Variants in FOXN3 observed in about 807,000 individuals in gnomAD.
FOXN3 encodes forkhead box N3, also known as forkhead box protein N3.
FOXN3 carries 7 observed loss-of-function variants against 38.4 expected under a neutral mutation model. That is an observed-to-expected ratio of 0.18 (90% CI 0.10 to 0.34). The LOEUF (loss-of-function observed/expected upper bound fraction) is 0.34, where lower values mean the gene tolerates loss of function less well. FOXN3 is among the 10% of genes least tolerant of loss of function. FOXN3 has a pLI of 1.00. For missense variants in FOXN3, 456 were observed against 613.4 expected, an observed-to-expected ratio of 0.74 and a Z score of 2.71; for synonymous variants, 230 against 242.2, an observed-to-expected ratio of 0.95 and a Z score of 0.47.
At chr14:89,407,399 T>A (rs1377026068) in intron 2 of FOXN3, among the ~76,000 whole-genome samples, 1 of 152,216 alleles carries the variant, frequency 6.6e-6, no homozygotes, top group Non-Finnish European at 1.5e-5. Context: ...GATATCTGAA[T>A]ATGGACCTGG....
chr14:89,327,757 C>A (rs1353346956), intron 3 of FOXN3, among the ~76,000 whole-genome samples: 1 of 152,172 alleles, frequency 6.6e-6, no homozygotes. Context: ...TAAAAACTTA[C>A]AATAAATCCT....
At chr14:89,572,857 C>T (rs1356647035) in intron 1 of FOXN3, among the ~76,000 whole-genome samples, 2 of 152,206 alleles carry the variant, frequency 1.3e-5, no homozygotes, top group Admixed American at 1.3e-4. Flanking sequence ...CCTCGGGGCC[C>T]CAGCTTGGCC....
At chr14:89,171,564 TA>T (rs1348364329) in intron 5 of FOXN3, among the ~76,000 whole-genome samples, 1 of 152,148 alleles carries the variant, frequency 6.6e-6, no homozygotes, top group Non-Finnish European at 1.5e-5. Flanking sequence ...CATAAGCAAG[TA>T]TATTCAGAAA....
At chr14:89,592,912 G>A (rs184281392) in intron 1 of FOXN3, among the ~76,000 whole-genome samples, 121 of 152,180 alleles carry the variant, frequency 8.0e-4, no homozygotes, top group Admixed American at 1.9e-3. Flanking sequence ...AGTGGAAGGC[G>A]TGCATTATTT....
In FOXN3 at chr14:89,403,383, A is replaced by C. The variant is rs1161903490; in HGVS notation, c.543+8551T>G. Among the ~76,000 whole-genome samples, 3 of 152,288 alleles carry C rather than the reference A, an allele frequency of 2.0e-5. No individual in the cohort carries two copies. The East Asian group carries it at 5.8e-4, about 29-fold the overall frequency. On this transcript the variant is annotated intron_variant, in intron 2 of 5. Coordinates refer to ENST00000557258, the MANE Select transcript of FOXN3 (RefSeq NM_005197.4). ...CAATTAATCTCTGTATTTTTTGTAG[A>C]GACAGGGTTTCACCATGTTGCCTAG...
chr14:89,334,976 A>T (rs1371314251), intron 3 of FOXN3, among the ~76,000 whole-genome samples: 1 of 151,958 alleles, frequency 6.6e-6, no homozygotes, highest in Non-Finnish European at 1.5e-5. Flanking sequence ...CATCTTGGCC[A>T]GGCTGGTCTT....
chr14:89,340,832 T>C (rs1412174439), intron 3 of FOXN3, among the ~76,000 whole-genome samples: 1 of 152,022 alleles, frequency 6.6e-6, no homozygotes, highest in Non-Finnish European at 1.5e-5. Context: ...AGGGAGGTAA[T>C]TGTAGGGCAT....
At chr14:89,319,827 T>A (rs1311609600) in intron 3 of FOXN3, among the ~76,000 whole-genome samples, 1 of 152,230 alleles carries the variant, frequency 6.6e-6, no homozygotes, top group Non-Finnish European at 1.5e-5. Flanking sequence ...TTCAGATGAT[T>A]AAACTTGAGT....
chr14:89,246,382 A>T (rs1400232931), intron 4 of FOXN3, among the ~76,000 whole-genome samples: 3 of 151,996 alleles, frequency 2.0e-5, no homozygotes, highest in Non-Finnish European at 4.4e-5. Flanking sequence ...AATGCAGCCT[A>T]GGGTAGAGAC....
At chr14:89,477,051 T>A (rs936883532) in intron 1 of FOXN3, among the ~76,000 whole-genome samples, 5 of 152,118 alleles carry the variant, frequency 3.3e-5, no homozygotes, top group Non-Finnish European at 7.3e-5. Context: ...ATGGCCAACT[T>A]TTTGTTTTGC....
intron 1 of FOXN3, among the ~76,000 whole-genome samples, chr14:89,545,489 G>C (rs1894866233): frequency 6.6e-6 from 1 of 152,196 alleles, no homozygotes; most frequent in Non-Finnish European, 1.5e-5. Flanking sequence ...TCCAGCCATA[G>C]CATGTCCCAT....
intron 1 of FOXN3, among the ~76,000 whole-genome samples, chr14:89,499,481 GC>G (rs1256932655): frequency 7.5e-6 from 1 of 132,710 alleles, no homozygotes; most frequent in African/African-American, 3.0e-5. Flanking sequence ...TTTTTTTTTT[GC>G]CGTGTCTTTG....
At chr14:89,398,851 G>GGT (rs1891168979) in intron 2 of FOXN3, among the ~76,000 whole-genome samples, 1 of 152,132 alleles carries the variant, frequency 6.6e-6, no homozygotes, top group Non-Finnish European at 1.5e-5. Flanking sequence ...CACGCATGGT[G>GGT]GCACATGCCT....
intron 3 of FOXN3, among the ~76,000 whole-genome samples, chr14:89,308,408 G>A (rs899375295): frequency 3.0e-4 from 45 of 152,252 alleles, no homozygotes; most frequent in African/African-American, 1.1e-3. Context: ...GCACCGTTCT[G>A]TGCAGATGCA....
chr14:89,392,637 C>CTTTTT (rs71130072), intron 2 of FOXN3, among the ~76,000 whole-genome samples: 3 of 119,300 alleles, frequency 2.5e-5, no homozygotes, highest in African/African-American at 7.7e-5. Context: ...TGTGTCTCGT[C>CTTTTT]TTTTTTTTTT....
chr14:89,393,160 C>T (rs1007087122), intron 2 of FOXN3, among the ~76,000 whole-genome samples: 2 of 151,998 alleles, frequency 1.3e-5, no homozygotes, highest in Admixed American at 1.3e-4. Flanking sequence ...AGGCTGGTCT[C>T]GAACTCCTGA....
intron 3 of FOXN3, among the ~76,000 whole-genome samples, chr14:89,345,829 G>A (rs906897757): frequency 1.3e-5 from 2 of 152,208 alleles, no homozygotes. Context: ...CCGAGGTGGT[G>A]GATCACAAGG....
intron 1 of FOXN3, among the ~76,000 whole-genome samples, chr14:89,493,144 T>C (rs1893615978): frequency 6.6e-6 from 1 of 152,212 alleles, no homozygotes; most frequent in Non-Finnish European, 1.5e-5. Flanking sequence ...TTCAAATGAA[T>C]AGATTAGCTT....
intron 2 of FOXN3, among the ~76,000 whole-genome samples, chr14:89,360,762 A>ACCT (rs1362862944): frequency 3.3e-5 from 2 of 60,820 alleles, no homozygotes; most frequent in African/African-American, 1.9e-4. Flanking sequence ...CACCACCTCC[A>ACCT]CCACTACCAC....
Sources: gnomAD v4.1 joint callset for allele counts (sites outside exome capture counted in the v4.1 genomes callset) on GRCh38, gnomAD v4.1.1 for gene constraint, MANE v1.5 for transcripts, NCBI Gene and HGNC (gene_info 2026-07-23, HGNC 2026-07-21) for gene names.